PLXNA4: variants seen among roughly 807,000 people sequenced by gnomAD.
PLXNA4 encodes plexin A4.
A neutral mutation model predicts 191.8 loss-of-function variants in PLXNA4; 44 were observed. The observed-to-expected ratio is 0.23, with a 90% confidence interval of 0.18 to 0.29. The LOEUF is 0.29. PLXNA4 is among the 10% of genes least tolerant of loss of function. PLXNA4 has a pLI of 1.00. For missense variants in PLXNA4, 1,800 were observed against 2,488.8 expected (o/e 0.72, Z 5.89); for synonymous variants, 1,082 against 1,009.5 (o/e 1.07, Z -1.36).
intron 30 of PLXNA4, among the ~76,000 whole-genome samples, chr7:132,133,464 G>A (rs756409809): frequency 1.1e-4 from 16 of 152,168 alleles, no homozygotes; most frequent in Non-Finnish European, 1.9e-4. Context: ...GAGAGGAACC[G>A]AGAGCCAGAG....
intron 2 of PLXNA4, among the ~76,000 whole-genome samples, chr7:132,591,739 T>A (rs955812583): frequency 5.9e-5 from 9 of 152,152 alleles, no homozygotes; most frequent in Non-Finnish European, 1.0e-4. Flanking sequence ...TGTCTCCATC[T>A]CCCTTTCAGA....
chr7:132,647,686 C>A (rs1024449559), intron 1 of PLXNA4, among the ~76,000 whole-genome samples: 24 of 151,984 alleles, frequency 1.6e-4, no homozygotes, highest in African/African-American at 5.8e-4. Flanking sequence ...CATATACTCA[C>A]ATACACACTC....
chr7:132,201,265 G>A (rs1355062830), intron 12 of PLXNA4, among the ~76,000 whole-genome samples: 1 of 152,092 alleles, frequency 6.6e-6, no homozygotes, highest in Non-Finnish European at 1.5e-5. Context: ...CCTCCTGAAC[G>A]GCAGGACGAT....
intron 1 of PLXNA4, among the ~76,000 whole-genome samples, chr7:132,562,329 T>C (rs532290119): frequency 5.2e-4 from 33 of 63,486 alleles, no homozygotes; most frequent in Admixed American, 7.1e-4. Context: ...CCTCCTCCTC[T>C]CTCTCCTCCT....
At position 132,557,660 on chromosome 7, in the gene PLXNA4, A is replaced by C. The variant is rs575436369; in HGVS notation, c.-87+18762T>G. Among the ~76,000 whole-genome samples, 10 of 152,248 alleles carry C rather than the reference A, an allele frequency of 6.6e-5. No individual in the cohort carries two copies. The East Asian group carries it at 1.7e-3, about 26-fold the overall frequency. ...TCATTTTGAAAAAGATGTTATCTGC[A>C]GCTCCTCTGTGCCTACCAAGCAATA... is the stretch of plus-strand genomic sequence containing the variant. On this transcript the variant is annotated intron_variant, in intron 1 of 31. Transcript: ENST00000321063.
rs551641649 is a variant in PLXNA4, at chr7:132,545,952, C to G, written c.-87+30470G>C. On this transcript the variant is annotated intron_variant, in intron 1 of 31. Coordinates refer to ENST00000321063, the MANE Select transcript of PLXNA4 (RefSeq NM_020911.2). ...AAGAAGAGGACCAGCAGTTGCCAACCAACCCCCAAAACTGACCAGTGCTGA... is the reference window on the plus strand; with the variant it reads ...AAGAAGAGGACCAGCAGTTGCCAACGAACCCCCAAAACTGACCAGTGCTGA... Among the ~76,000 whole-genome samples the G allele has an allele frequency of 1.8e-4, 28 of 152,322 alleles. No individual in the cohort carries two copies. In the South Asian group the frequency reaches 5.2e-3, roughly 28 times the overall value.
intron 3 of PLXNA4, among the ~76,000 whole-genome samples, chr7:132,487,177 T>C (rs1404024154): frequency 1.3e-5 from 2 of 152,130 alleles, no homozygotes; most frequent in East Asian, 3.9e-4. Flanking sequence ...CCCAACCAGC[T>C]CAGACAATCA....
In PLXNA4 at chr7:132,132,497, T is replaced by TTCTATTCTATTCTATTCTA. The variant is rs367658994; in HGVS notation, c.5589+551_5589+552insTAGAATAGAATAGAATAGA. ...GCTCTGCTCTGCTCTGCTCTATTCT[T>TTCTATTCTATTCTATTCTA]TTCTATTCTATTCTATTCTATTCTA... is the stretch of plus-strand genomic sequence containing the variant. On this transcript the variant is annotated intron_variant, in intron 31 of 31. Coordinates refer to ENST00000321063, the MANE Select transcript of PLXNA4 (RefSeq NM_020911.2). 5.6e-3 allele frequency among the ~76,000 whole-genome samples: 624 copies of TTCTATTCTATTCTATTCTA among 111,776 alleles called. 32 individuals carry two copies. Among genetic ancestry groups the TTCTATTCTATTCTATTCTA allele is most frequent in the African/African-American group, 0.015 (399 of 26,466 alleles). The allele number at this position is 111,776 out of a possible 152,430, so 73.3% of individuals were successfully genotyped here.
At chr7:132,563,480 G>C (rs944879765) in intron 1 of PLXNA4, among the ~76,000 whole-genome samples, 153 of 19,798 alleles carry the variant, frequency 7.7e-3, no homozygotes, top group South Asian at 9.7e-3. Flanking sequence ...TCCTTCTGCT[G>C]CTCCTCCTCC....
intron 3 of PLXNA4, among the ~76,000 whole-genome samples, chr7:132,317,669 T>C (rs1801999636): frequency 6.6e-6 from 1 of 152,196 alleles, no homozygotes; most frequent in Non-Finnish European, 1.5e-5. Context: ...TTACTTTTAT[T>C]CTGTGGCATT....
rs570886339 is a variant in PLXNA4, at chr7:132,285,008, C to T, written c.1503+13083G>A. Among the ~76,000 whole-genome samples the T allele has an allele frequency of 6.6e-5, 10 of 152,282 alleles. No homozygotes were observed. The South Asian group carries it at 2.1e-3, about 32-fold the overall frequency. The stretch of plus-strand genomic sequence containing the variant: ...GGGATTATAGGTGTGAGCCACCACA[C>T]CTGGCATAGGTGGATTTTTTTTCAA... On this transcript the variant is annotated intron_variant, in intron 4 of 31. Transcript: ENST00000321063.
At chr7:132,306,016 G>T (rs1016846409) in intron 3 of PLXNA4, among the ~76,000 whole-genome samples, 1 of 152,134 alleles carries the variant, frequency 6.6e-6, no homozygotes, top group Non-Finnish European at 1.5e-5. Flanking sequence ...AAACCTGGAG[G>T]CATATGTCCC....
At chr7:132,531,033 T>C (rs1274706875) in intron 1 of PLXNA4, among the ~76,000 whole-genome samples, 3 of 152,200 alleles carry the variant, frequency 2.0e-5, no homozygotes. Context: ...GGCAAATTCC[T>C]ACACAGAAAG....
chr7:132,497,331 G>A (rs1585225197), intron 2 of PLXNA4, among the ~76,000 whole-genome samples: 1 of 152,248 alleles, frequency 6.6e-6, no homozygotes, highest in East Asian at 1.9e-4. Flanking sequence ...CACTTATTGG[G>A]AACCGTATCT....
chr7:132,148,127 A>G (rs566565734), intron 26 of PLXNA4, 128 bp from the exon 27 acceptor site: 2 of 1,387,674 alleles, frequency 1.4e-6, no homozygotes, highest in East Asian at 2.4e-5. Flanking sequence ...GGGACTTTGG[A>G]GGCTGTCAGC....
intron 25 of PLXNA4, among the ~76,000 whole-genome samples, chr7:132,151,217 C>T (rs77089930): frequency 0.026 from 3,279 of 127,156 alleles, 47 homozygotes; most frequent in Non-Finnish European, 0.038. Flanking sequence ...AGGAAGAAGA[C>T]GAAGAGGAAA....
intron 2 of PLXNA4, among the ~76,000 whole-genome samples, chr7:132,601,656 T>C (rs1273883549): frequency 6.6e-6 from 1 of 152,234 alleles, no homozygotes; most frequent in Non-Finnish European, 1.5e-5. Flanking sequence ...GAAGCTTTCA[T>C]GGTAGCCCAA....
At chr7:132,472,033 G>A (rs1317307697) in intron 3 of PLXNA4, among the ~76,000 whole-genome samples, 6 of 152,218 alleles carry the variant, frequency 3.9e-5, no homozygotes, top group East Asian at 3.9e-4. Flanking sequence ...AGTATTTCTC[G>A]GAACTTGTAC....
In PLXNA4 at chr7:132,133,118, G is replaced by A; in HGVS notation, c.5520C>T (p.His1840=). The change falls in exon 31 of 32, where the codon CAC becomes CAT. Residue 1840 remains histidine (H), a synonymous_variant. Transcript: ENST00000321063. ...CACTCATGGTGTTGAACTCATTCATGTGCATCCGGGACTGCTCAGCCAGGT... is the reference window on the plus strand; with the variant it reads ...CACTCATGGTGTTGAACTCATTCATATGCATCCGGGACTGCTCAGCCAGGT... ...NAYLAEQSRM[H]MNEFNTMSAL... is the part of the protein sequence containing the mutation. The A allele has an allele frequency of 6.2e-7, 1 of 1,614,208 alleles. No individual in the cohort carries two copies. The highest frequency in any genetic ancestry group is 8.5e-7 in the Non-Finnish European group (1 of 1,180,032).
Sources: gnomAD v4.1 joint callset for allele counts (sites outside exome capture counted in the v4.1 genomes callset) on GRCh38, gnomAD v4.1.1 for gene constraint, MANE v1.5 for transcripts, NCBI Gene and HGNC (gene_info 2026-07-23, HGNC 2026-07-21) for gene names.